The following EPHA6 variants were observed in gnomAD, a reference collection of about 807,000 sequenced individuals.
EPHA6 encodes the protein ephrin type-A receptor 6.
In EPHA6, 50 loss-of-function variants were observed where a neutral mutation model predicts 112.0. That is an observed-to-expected ratio of 0.45 (90% confidence interval 0.36 to 0.56). The LOEUF is 0.56. Among genes scored for constraint, EPHA6 ranks in the 20% least tolerant of loss-of-function variants. The pLI, the probability that EPHA6 is intolerant of heterozygous loss-of-function variation, is 0.00. For synonymous variants in EPHA6, 529 were observed against 490.7 expected (o/e 1.08, Z -1.03); for missense variants, 1,280 against 1,417.4 (o/e 0.90, Z 1.56).
At position 97,721,640 on chromosome 3, in the gene EPHA6, G is replaced by GTT. The variant is rs1463211269; in HGVS notation, c.2934+1230_2934+1231insTT. ...GCCCTACAGAGCATTTGGCCTTAAG[G>GTT]ACAAAGTGCATCATAACCAGCAACC... On this transcript the variant is annotated intron_variant, in intron 15 of 17. Coordinates refer to ENST00000389672, the MANE Select transcript of EPHA6 (RefSeq NM_001080448.3). 2.6e-5 allele frequency among the ~76,000 whole-genome samples: 4 copies of GTT among 152,158 alleles called. No individual in the cohort carries two copies. In the East Asian group the frequency reaches 7.7e-4, roughly 29 times the overall value.
chr3:97,208,543 C>G (rs1234936418), intron 3 of EPHA6, among the ~76,000 whole-genome samples: 1 of 152,012 alleles, frequency 6.6e-6, no homozygotes, highest in Admixed American at 6.6e-5. Context: ...CTCAGGAGTT[C>G]AAGACCAGCT....
At position 97,099,683 on chromosome 3, in the gene EPHA6, C is replaced by G. The variant is rs563981906; in HGVS notation, c.1114+111690C>G. Among the ~76,000 whole-genome samples, 35 of 151,920 alleles carry G rather than the reference C, an allele frequency of 2.3e-4. No individual in the cohort carries two copies. In the South Asian group the frequency reaches 5.4e-3, roughly 23 times the overall value. On this transcript the variant is annotated intron_variant, in intron 3 of 17. Coordinates refer to ENST00000389672, the MANE Select transcript of EPHA6 (RefSeq NM_001080448.3). ...TTTCTGGTCTTGCTCATTAAAAGAC[C>G]TTCCTGATTATCTGCCAAGCTCTCT...
intron 10 of EPHA6, among the ~76,000 whole-genome samples, chr3:97,501,446 T>A (rs907830340): frequency 4.6e-5 from 7 of 152,026 alleles, no homozygotes; most frequent in Non-Finnish European, 1.5e-5. Context: ...TTTTAAAGGC[T>A]GAGATTTTTA....
At chr3:97,656,001 C>A (rs1456163067) in intron 14 of EPHA6, among the ~76,000 whole-genome samples, 2 of 151,652 alleles carry the variant, frequency 1.3e-5, no homozygotes, top group African/African-American at 2.4e-5. Flanking sequence ...TCTTACCAGT[C>A]TTTTCAAATT....
chr3:96,851,858 A>C (rs1310829474), intron 1 of EPHA6, among the ~76,000 whole-genome samples: 2 of 152,160 alleles, frequency 1.3e-5, no homozygotes, highest in Non-Finnish European at 2.9e-5. Flanking sequence ...TGCAGGATGA[A>C]AACCAAGATC....
chr3:97,196,396 T>C (rs1559791121), intron 3 of EPHA6, among the ~76,000 whole-genome samples: 1 of 152,026 alleles, frequency 6.6e-6, no homozygotes, highest in Non-Finnish European at 1.5e-5. Context: ...TGTGTTATCC[T>C]AAGTTTCGTC....
intron 5 of EPHA6, among the ~76,000 whole-genome samples, chr3:97,323,926 G>T (rs1268144683): frequency 6.6e-6 from 1 of 151,862 alleles, no homozygotes; most frequent in Non-Finnish European, 1.5e-5. Context: ...TGATGGAAAT[G>T]TAAGTCTGAA....
intron 3 of EPHA6, among the ~76,000 whole-genome samples, chr3:97,188,814 TATTTCCAAGTGGATATACATATG>T (rs1454919731): frequency 6.6e-6 from 1 of 151,924 alleles, no homozygotes; most frequent in Non-Finnish European, 1.5e-5. Flanking sequence ...TGAAATTATG[TATTTCCAAGTGGATATACATATG>T]TTTATAAAAG....
intron 2 of EPHA6, among the ~76,000 whole-genome samples, chr3:96,949,323 G>A (rs2041428016): frequency 6.6e-6 from 1 of 151,966 alleles, no homozygotes; most frequent in African/African-American, 2.4e-5. Context: ...ATATAAAAAG[G>A]CAGTATAAAT....
chr3:97,349,589 A>G (rs1018567657), intron 5 of EPHA6, among the ~76,000 whole-genome samples: 1 of 152,124 alleles, frequency 6.6e-6, no homozygotes, highest in African/African-American at 2.4e-5. Flanking sequence ...TAAAAGAAAG[A>G]GTCATAGAGA....
intron 10 of EPHA6, among the ~76,000 whole-genome samples, chr3:97,485,317 A>G (rs1331784378): frequency 1.3e-5 from 2 of 152,212 alleles, no homozygotes; most frequent in Non-Finnish European, 2.9e-5. Flanking sequence ...AAAATTTATT[A>G]GTTATTTCAA....
chr3:97,308,806 G>A lies in EPHA6; in HGVS notation c.1606+64519G>A, dbSNP rs148974406. Among the ~76,000 whole-genome samples, 802 of 151,762 alleles carry A rather than the reference G, an allele frequency of 5.3e-3. 10 individuals are homozygous for A. The highest frequency in any genetic ancestry group is 0.018 in the African/African-American group (752 of 41,484). ...ATTATTTGAGCACTACATTCTACCC[G>A]AGTATGGCACATCATGTGCACTCAA... On this transcript the variant is annotated intron_variant, in intron 5 of 17. Transcript: ENST00000389672.
chr3:97,626,735 G>A (rs755172625), intron 13 of EPHA6, among the ~76,000 whole-genome samples: 4 of 151,788 alleles, frequency 2.6e-5, no homozygotes, highest in Non-Finnish European at 4.4e-5. Flanking sequence ...TGCAAGAGCT[G>A]GTTGATAAAC....
chr3:97,328,044 C>CACAT (rs2082558296), intron 5 of EPHA6, among the ~76,000 whole-genome samples: 2 of 53,530 alleles, frequency 3.7e-5, no homozygotes, highest in African/African-American at 1.9e-4. Context: ...TATATACACA[C>CACAT]ATATATACAC....
chr3:97,073,397 G>A lies in EPHA6; in HGVS notation c.1114+85404G>A, dbSNP rs564194299. ...AATAAATATAACCTAAAGCAAGTGA[G>A]CCAAGAGAGACAGTATCCACTTCTT... On this transcript the variant is annotated intron_variant, in intron 3 of 17. Coordinates refer to ENST00000389672, the MANE Select transcript of EPHA6 (RefSeq NM_001080448.3). Among the ~76,000 whole-genome samples the A allele has an allele frequency of 3.3e-5, 5 of 152,166 alleles. No homozygotes were observed. In the East Asian group the frequency reaches 9.7e-4, roughly 29 times the overall value.
intron 6 of EPHA6, among the ~76,000 whole-genome samples, chr3:97,443,342 T>C (rs2090205040): frequency 6.8e-6 from 1 of 147,324 alleles, no homozygotes; most frequent in Admixed American, 6.9e-5. Context: ...TTTACCACTG[T>C]CTTAATTAAG....
At position 97,758,490 on chromosome 3, in the gene EPHA6, T is replaced by C. The variant is rs1181923104; in HGVS notation, c.*9789T>C. 1.4e-4 allele frequency among the ~76,000 whole-genome samples: 21 copies of C among 151,954 alleles called. No individual in the cohort carries two copies. The highest frequency in any genetic ancestry group is 1.5e-5 in the Non-Finnish European group (1 of 67,864). ...TTTATCTGTAAGTCCATTCACTCCA[T>C]TCAACTGTTTATTGAACACTACCAT... On this transcript the variant is annotated 3_prime_UTR_variant, in exon 18 of 18. Transcript: ENST00000389672.
intron 11 of EPHA6, among the ~76,000 whole-genome samples, chr3:97,546,455 C>A (rs1001316601): frequency 6.6e-6 from 1 of 152,184 alleles, no homozygotes; most frequent in Admixed American, 6.5e-5. Context: ...GATGGGCTTC[C>A]CTTTGAGGGT....
At chr3:96,929,675 C>A (rs930893299) in intron 2 of EPHA6, among the ~76,000 whole-genome samples, 1 of 152,106 alleles carries the variant, frequency 6.6e-6, no homozygotes, top group Non-Finnish European at 1.5e-5. Context: ...TTCATTTCAA[C>A]CTTGAAGACT....
Sources: gnomAD v4.1 joint callset for allele counts (sites outside exome capture counted in the v4.1 genomes callset) on GRCh38, gnomAD v4.1.1 for gene constraint, MANE v1.5 for transcripts, NCBI Gene and HGNC (gene_info 2026-07-23, HGNC 2026-07-21) for gene names.